The following EXOC6B variants were observed in gnomAD, a reference collection of about 807,000 sequenced individuals.
The protein encoded by EXOC6B is SEC15 homolog B.
EXOC6B carries 54 observed loss-of-function variants against 113.5 expected under a neutral mutation model. That is an observed-to-expected ratio of 0.48 (90% CI 0.38 to 0.60). EXOC6B has a LOEUF of 0.60. Among genes scored for constraint, EXOC6B ranks in the 20% least tolerant of loss-of-function variants. EXOC6B has a pLI of 0.00. For missense variants in EXOC6B, 797 were observed against 977.5 expected (o/e 0.82, Z 2.46); for synonymous variants, 357 against 339.0 (o/e 1.05, Z -0.58).
At chr2:72,707,974 G>A (rs941099147) in intron 6 of EXOC6B, among the ~76,000 whole-genome samples, 3 of 152,032 alleles carry the variant, frequency 2.0e-5, no homozygotes, top group Non-Finnish European at 4.4e-5. Context: ...CAAACAACAT[G>A]CATGTGTTTT....
At chr2:72,607,409 C>T (rs2104051808) in intron 6 of EXOC6B, among the ~76,000 whole-genome samples, 1 of 152,210 alleles carries the variant, frequency 6.6e-6, no homozygotes, top group Admixed American at 6.5e-5. Context: ...CCAAATAAAC[C>T]TCTTTTCTTT....
chr2:72,745,170 G>C (rs1220629053), intron 1 of EXOC6B, among the ~76,000 whole-genome samples: 2 of 152,124 alleles, frequency 1.3e-5, no homozygotes, highest in African/African-American at 4.8e-5. Context: ...ACAAGTTAAT[G>C]GATCAGGGGT....
intron 17 of EXOC6B, among the ~76,000 whole-genome samples, chr2:72,475,727 G>A (rs1207677461): frequency 3.9e-5 from 6 of 152,138 alleles, no homozygotes; most frequent in Non-Finnish European, 8.8e-5. Flanking sequence ...CCACTGGGGA[G>A]GGCAGTGCCA....
chr2:72,376,783 C>G (rs1691386118), intron 19 of EXOC6B, among the ~76,000 whole-genome samples: 1 of 152,034 alleles, frequency 6.6e-6, no homozygotes, highest in Non-Finnish European at 1.5e-5. Flanking sequence ...TTTCTTGCTT[C>G]TCTGCATGTC....
intron 6 of EXOC6B, among the ~76,000 whole-genome samples, chr2:72,643,823 A>G (rs1253720658): frequency 7.1e-6 from 1 of 140,952 alleles, no homozygotes; most frequent in Non-Finnish European, 1.5e-5. Context: ...ATAAATAAAT[A>G]AATAAATAAA....
chr2:72,558,969 A>G (rs1173999846), intron 8 of EXOC6B, among the ~76,000 whole-genome samples: 1 of 152,078 alleles, frequency 6.6e-6, no homozygotes, highest in Non-Finnish European at 1.5e-5. Flanking sequence ...CTGTGTATCT[A>G]TGTGTCTGCA....
chr2:72,507,679 C>T lies in EXOC6B; in HGVS notation c.1167+5453G>A, dbSNP rs933119403. The stretch of plus-strand genomic sequence containing the variant: ...TACTTTTTACCTCTACAGATCAATG[C>T]TGAACTAATGATTTTTTAAAAAGAA... On this transcript the variant is annotated intron_variant, in intron 11 of 21. Coordinates refer to ENST00000272427, the MANE Select transcript of EXOC6B (RefSeq NM_015189.3). Among the ~76,000 whole-genome samples, 62 of 151,950 alleles carry T rather than the reference C, an allele frequency of 4.1e-4. 1 individual carries two copies. The highest frequency in any genetic ancestry group is 1.3e-4 in the Non-Finnish European group (9 of 67,964).
chr2:72,417,574 AT>A (rs1191120184), intron 18 of EXOC6B, among the ~76,000 whole-genome samples: 19 of 152,238 alleles, frequency 1.2e-4, no homozygotes, highest in African/African-American at 4.6e-4. Context: ...GTTATATAAA[AT>A]AAATATTTTC....
intron 20 of EXOC6B, among the ~76,000 whole-genome samples, chr2:72,287,117 A>C (rs1367430919): frequency 6.6e-6 from 1 of 151,842 alleles, no homozygotes; most frequent in Non-Finnish European, 1.5e-5. Flanking sequence ...CTGCTAATAG[A>C]AAAAAAATCA....
intron 8 of EXOC6B, among the ~76,000 whole-genome samples, chr2:72,559,075 T>G (rs536250362): frequency 6.6e-5 from 10 of 152,218 alleles, no homozygotes; most frequent in Non-Finnish European, 1.3e-4. Flanking sequence ...CTTTTCCATA[T>G]GCTTTATATG....
chr2:72,814,941 A>C (rs1160480876), intron 1 of EXOC6B, among the ~76,000 whole-genome samples: 1 of 152,236 alleles, frequency 6.6e-6, no homozygotes, highest in African/African-American at 2.4e-5. Flanking sequence ...CAGTGAACCG[A>C]GATCGTGCCA....
At chr2:72,518,056 T>G (rs1430549036) in intron 8 of EXOC6B, among the ~76,000 whole-genome samples, 3 of 152,154 alleles carry the variant, frequency 2.0e-5, no homozygotes, top group Admixed American at 6.5e-5. Context: ...ACTCAATACT[T>G]AAAGGTGGAA....
At chr2:72,493,265 C>T (rs1306596757) in intron 15 of EXOC6B, among the ~76,000 whole-genome samples, 1 of 150,276 alleles carries the variant, frequency 6.7e-6, no homozygotes, top group Non-Finnish European at 1.5e-5. Flanking sequence ...CTGCTGACTT[C>T]GCCTCTCTGA....
intron 20 of EXOC6B, among the ~76,000 whole-genome samples, chr2:72,321,533 CAAAA>C (rs766214952): frequency 3.3e-5 from 2 of 61,168 alleles, no homozygotes; most frequent in Non-Finnish European, 3.5e-5. Flanking sequence ...GACTCCGTCT[CAAAA>C]AAAAAAAAAA....
chr2:72,631,663 C>A lies in EXOC6B; in HGVS notation c.670-55995G>T, dbSNP rs1300572787. On this transcript the variant is annotated intron_variant, in intron 6 of 21. Transcript: ENST00000272427. ...GGGACTACAGGCATGCACCACCATG[C>A]CTAGCTAATATATGTATTTTTGATA... is the stretch of plus-strand genomic sequence containing the variant. Among the ~76,000 whole-genome samples the A allele has an allele frequency of 2.0e-5, 3 of 151,828 alleles. No individual in the cohort carries two copies. The South Asian group carries it at 6.3e-4, about 32-fold the overall frequency.
chr2:72,515,276 A>G, intron 8 of EXOC6B, 150 bp from the exon 9 acceptor site: 1 of 918,386 alleles, frequency 1.1e-6, no homozygotes, highest in South Asian at 1.7e-5. Context: ...ACAATAGAAA[A>G]TACAAATAAC....
chr2:72,262,671 T>A (rs896092686), intron 20 of EXOC6B, among the ~76,000 whole-genome samples: 1 of 152,122 alleles, frequency 6.6e-6, no homozygotes, highest in Non-Finnish European at 1.5e-5. Context: ...GCAATAGAAG[T>A]TCAAGAGCAC....
At chr2:72,322,942 C>G (rs760942501) in intron 20 of EXOC6B, among the ~76,000 whole-genome samples, 3 of 152,012 alleles carry the variant, frequency 2.0e-5, no homozygotes, top group Non-Finnish European at 4.4e-5. Context: ...AAAGACTTCA[C>G]GTCCAAAATA....
At chr2:72,524,711 ACATCT>A (rs1250629892) in intron 8 of EXOC6B, among the ~76,000 whole-genome samples, 2 of 152,178 alleles carry the variant, frequency 1.3e-5, no homozygotes, top group African/African-American at 2.4e-5. Flanking sequence ...CTATACCAAA[ACATCT>A]CATGTACCCC....
Sources: gnomAD v4.1 joint callset for allele counts (sites outside exome capture counted in the v4.1 genomes callset) on GRCh38, gnomAD v4.1.1 for gene constraint, MANE v1.5 for transcripts, NCBI Gene and HGNC (gene_info 2026-07-23, HGNC 2026-07-21) for gene names.